The following CYP4F2 variants were observed in gnomAD, a reference collection of about 807,000 sequenced individuals.
CYP4F2 encodes the protein cytochrome P450 4F2.
A neutral mutation model predicts 58.9 loss-of-function variants in CYP4F2; 58 were observed. The observed-to-expected ratio is 0.98, with a 90% CI of 0.80 to 1.23. The LOEUF is 1.23. Ranked by LOEUF, CYP4F2 falls within the 50% of genes most tolerant of loss-of-function variation. The probability of loss-of-function intolerance (pLI) is 0.00; values close to 1 mark genes in which losing one functional copy is unlikely to be tolerated. For missense variants in CYP4F2, 616 were observed against 685.6 expected, an observed-to-expected ratio of 0.90 and a Z score of 1.13; for synonymous variants, 287 against 261.1, an observed-to-expected ratio of 1.10 and a Z score of -0.95.
chr19:15,896,402 G>A (rs914114712), intron 2 of CYP4F2, among the ~76,000 whole-genome samples: 1 of 152,158 alleles, frequency 6.6e-6, no homozygotes, highest in Non-Finnish European at 1.5e-5. Context: ...ACTCACAGAG[G>A]CCCAGTTATC....
intron 12 of CYP4F2, 27 bp downstream of exon 12, chr19:15,879,319 C>G: frequency 6.2e-7 from 1 of 1,613,094 alleles, no homozygotes; most frequent in Non-Finnish European, 8.5e-7. Context: ...TCAACCCGTT[C>G]CCACCTCAGA....
chr19:15,883,106 T>C (rs1426212402), intron 9 of CYP4F2, among the ~76,000 whole-genome samples: 2 of 152,078 alleles, frequency 1.3e-5, no homozygotes, highest in African/African-American at 2.4e-5. Context: ...GCACAGGCAA[T>C]AGACAAATGA....
chr19:15,892,709 C>A lies in CYP4F2; in HGVS notation c.344-127G>T, dbSNP rs2089424238. The A allele has an allele frequency of 7.1e-6, 10 of 1,412,908 alleles. No individual in the cohort carries two copies. The East Asian group carries it at 2.1e-4, about 29-fold the overall frequency. The allele number at this position is 1,412,908 out of a possible 1,614,324, so 87.5% of individuals were successfully genotyped here. On this transcript the variant is annotated intron_variant, in intron 3 of 12. Transcript: ENST00000221700. ...TGAGCCCCACATAGCAGGAAGAGGGCCAAGGGCAGAGGAAGAAGGGAGGAT... is the reference window on the plus strand; with the variant it reads ...TGAGCCCCACATAGCAGGAAGAGGGACAAGGGCAGAGGAAGAAGGGAGGAT...
At position 15,884,127 on chromosome 19, in the gene CYP4F2, G is replaced by A. The variant is rs1439682202; in HGVS notation, c.1115+1797C>T. 2.0e-5 allele frequency among the ~76,000 whole-genome samples: 3 copies of A among 151,920 alleles called. No individual in the cohort carries two copies. The East Asian group carries it at 5.8e-4, about 29-fold the overall frequency. Reference sequence around the variant, plus strand: ...GGGAGGGAGGGAGGAAGGAAGGAAGGAAGAAAGGAAATGTGGCATGTATAC... The same window carrying A: ...GGGAGGGAGGGAGGAAGGAAGGAAGAAAGAAAGGAAATGTGGCATGTATAC... On this transcript the variant is annotated intron_variant, in intron 9 of 12. Coordinates refer to ENST00000221700, the MANE Select transcript of CYP4F2 (RefSeq NM_001082.5).
chr19:15,880,090 G>A (rs1339693721), intron 9 of CYP4F2, among the ~76,000 whole-genome samples, 193 bp from the exon 10 acceptor site: 2 of 152,184 alleles, frequency 1.3e-5, no homozygotes, highest in African/African-American at 4.8e-5. Context: ...TGGAACATGA[G>A]GGAGAGCTCA....
intron 7 of CYP4F2, chr19:15,886,519 TG>T (rs2089381321): frequency 1.7e-6 from 1 of 580,120 alleles, no homozygotes; most frequent in Non-Finnish European, 3.0e-6. Context: ...TGCCTCCTCT[TG>T]GGTTCCTACT....
chr19:15,879,731 C>G, intron 10 of CYP4F2, 33 bp downstream of exon 10: 1 of 1,613,816 alleles, frequency 6.2e-7, no homozygotes, highest in Non-Finnish European at 8.5e-7. Context: ...CTCTTCCTAC[C>G]CAGGAGACTC....
At position 15,879,828 on chromosome 19, in the gene CYP4F2, G is replaced by C. The variant is rs1475586141; in HGVS notation, c.1185C>G (p.Val395=). The part of the protein sequence containing the change: ...MKESLRLHPP[V]PVISRHVTQD... Reference sequence around the variant, plus strand: ...GGGTGACATGGCGGGAGATGACCGGGACTGGGGGATGCAGCCGCAGGCTCT... The same window carrying C: ...GGGTGACATGGCGGGAGATGACCGGCACTGGGGGATGCAGCCGCAGGCTCT... The change falls in exon 10 of 13, where the codon GTC becomes GTG. Residue 395 remains valine (V), a synonymous_variant. Transcript: ENST00000221700. The C allele has an allele frequency of 1.2e-6, 2 of 1,614,154 alleles. No homozygotes were observed. The highest frequency in any genetic ancestry group is 1.7e-6 in the Non-Finnish European group (2 of 1,180,026).
At chr19:15,894,537 T>C (rs1394282132) in intron 3 of CYP4F2, among the ~76,000 whole-genome samples, 1 of 151,938 alleles carries the variant, frequency 6.6e-6, no homozygotes, top group Admixed American at 6.5e-5. Flanking sequence ...CCAGTGACCT[T>C]GTGTGAGACC....
At chr19:15,879,220 C>T in intron 12 of CYP4F2, 126 bp downstream of exon 12, 8 of 1,395,682 alleles carry the variant, frequency 5.7e-6, no homozygotes, top group South Asian at 1.3e-5. Context: ...CCTATAAACT[C>T]CAGAGGAGGT....
At chr19:15,882,445 C>T (rs1023574461) in intron 9 of CYP4F2, among the ~76,000 whole-genome samples, 1 of 151,938 alleles carries the variant, frequency 6.6e-6, no homozygotes, top group African/African-American at 2.4e-5. Flanking sequence ...ATTGAAATTG[C>T]TAAGAGAGTA....
rs59240008 is a variant in CYP4F2, at chr19:15,881,565, G to GGATAGATAGATA, written c.1116-1680_1116-1669dup. On this transcript the variant is annotated intron_variant, in intron 9 of 12. Transcript: ENST00000221700. ...GTATATAGATACATAGATAGATGAT[G>GGATAGATAGATA]GATAGATAGATAGATAGATAGATAG... 4.1e-3 allele frequency among the ~76,000 whole-genome samples: 617 copies of GGATAGATAGATA among 149,970 alleles called. 1 individual carries two copies. The highest frequency in any genetic ancestry group is 0.01 in the Middle Eastern group (3 of 294).
chr19:15,896,599 C>T (rs2089450020), intron 2 of CYP4F2, among the ~76,000 whole-genome samples: 1 of 152,198 alleles, frequency 6.6e-6, no homozygotes. Flanking sequence ...GGAGAAGGTT[C>T]TGCACATGGG....
At chr19:15,893,086 A>G (rs1159639240) in intron 3 of CYP4F2, among the ~76,000 whole-genome samples, 1 of 152,188 alleles carries the variant, frequency 6.6e-6, no homozygotes, top group African/African-American at 2.4e-5. Flanking sequence ...TGCACATGAG[A>G]TGGTCTAACA....
chr19:15,895,621 A>T lies in CYP4F2; in HGVS notation c.228T>A (p.Val76=). ...MVNPTEEGMR[V]LTQLVATYPQ... is the part of the protein sequence containing the mutation. ...GGTAGGTGGCCACCAGCTGAGTCAG[A>T]ACTCTCATGCCCTCCTCTGTGGGGT... The change falls in exon 3 of 13, where the codon GTT becomes GTA. Residue 76 remains valine, a synonymous_variant. Transcript: ENST00000221700. The T allele has an allele frequency of 6.3e-7, 1 of 1,597,604 alleles. No homozygotes were observed. The highest frequency in any genetic ancestry group is 8.5e-7 in the Non-Finnish European group (1 of 1,173,030).
chr19:15,879,620 A>G lies in CYP4F2; in HGVS notation c.1298T>C (p.Val433Ala). ...SVFGTHHNPA[V>A]WPDPEVYDPF... ...GCCCCGCACCTCAGGGTCCGGCCAC[A>G]CAGCTGGGTTGTGATGGGTTCCGAA... The change falls in exon 11 of 13, where the codon GTG (valine) becomes GCG (alanine). Residue 433 changes from valine to alanine, a missense_variant. By Grantham distance (64) the Val-to-Ala change is moderately conservative. Coordinates refer to ENST00000221700, the MANE Select transcript of CYP4F2 (RefSeq NM_001082.5). The G allele has an allele frequency of 6.2e-7, 1 of 1,614,098 alleles. No homozygotes were observed. Among genetic ancestry groups the G allele is most frequent in the Non-Finnish European group, 8.5e-7 (1 of 1,179,996 alleles).
At chr19:15,889,107 T>C (rs554165030) in intron 7 of CYP4F2, among the ~76,000 whole-genome samples, 2 of 152,228 alleles carry the variant, frequency 1.3e-5, no homozygotes, top group Middle Eastern at 3.4e-3. Context: ...GACAAAGATA[T>C]AGAAAGACAT....
At chr19:15,891,705 T>G (rs2089417350) in intron 5 of CYP4F2, among the ~76,000 whole-genome samples, 1 of 152,170 alleles carries the variant, frequency 6.6e-6, no homozygotes, top group South Asian at 2.1e-4. Flanking sequence ...GAACCCTGCC[T>G]GCATTGTGAA....
intron 9 of CYP4F2, among the ~76,000 whole-genome samples, chr19:15,883,238 G>C (rs1338277557): frequency 6.6e-6 from 1 of 152,032 alleles, no homozygotes; most frequent in African/African-American, 2.4e-5. Flanking sequence ...TTAATAACCA[G>C]AATATATTAT....
Sources: gnomAD v4.1 joint callset for allele counts (sites outside exome capture counted in the v4.1 genomes callset) on GRCh38, gnomAD v4.1.1 for gene constraint, MANE v1.5 for transcripts, NCBI Gene and HGNC (gene_info 2026-07-23, HGNC 2026-07-21) for gene names.